Variants in CSMD1 observed in about 807,000 individuals in gnomAD.
CSMD1 encodes the protein CUB and Sushi multiple domains 1, also known as CUB and sushi domain-containing protein 1.
Under a neutral mutation model 417.5 loss-of-function variants are expected in CSMD1, and 213 were observed. The observed-to-expected ratio is 0.51, with a 90% confidence interval of 0.46 to 0.57. The LOEUF (loss-of-function observed/expected upper bound fraction) is 0.57. Ranked by LOEUF, CSMD1 falls within the 20% of genes least tolerant of loss-of-function variation. CSMD1 has a pLI of 0.00. For missense variants in CSMD1, 6,923 were observed against 4,529.7 expected, an observed-to-expected ratio of 1.53 and a Z score of -15.17; for synonymous variants, 2,862 against 1,736.8, an observed-to-expected ratio of 1.65 and a Z score of -16.11.
chr8:3,679,633 G>A (rs187001664), intron 7 of CSMD1, among the ~76,000 whole-genome samples: 237 of 152,226 alleles, frequency 1.6e-3, no homozygotes, highest in Non-Finnish European at 2.9e-3. Flanking sequence ...CAACAAGACA[G>A]CAAGTTAACA....
At chr8:4,678,188 A>T (rs1274707710) in intron 1 of CSMD1, among the ~76,000 whole-genome samples, 1 of 152,092 alleles carries the variant, frequency 6.6e-6, no homozygotes, top group Non-Finnish European at 1.5e-5. Flanking sequence ...AGGCGTGTAG[A>T]TCACATGAGG....
chr8:4,070,168 A>G (rs572117075), intron 3 of CSMD1, among the ~76,000 whole-genome samples: 5 of 152,088 alleles, frequency 3.3e-5, no homozygotes, highest in Admixed American at 1.3e-4. Flanking sequence ...AAAGAATGCA[A>G]TTTTAGAGGT....
intron 3 of CSMD1, among the ~76,000 whole-genome samples, chr8:4,051,879 T>TTC (rs1563058796): frequency 2.4e-3 from 149 of 61,940 alleles, no homozygotes; most frequent in African/African-American, 6.2e-3. Flanking sequence ...CTTCCTCCTT[T>TTC]CTTCCTTCCT....
At chr8:4,979,533 C>G (rs546009688) in intron 1 of CSMD1, among the ~76,000 whole-genome samples, 136 of 151,224 alleles carry the variant, frequency 9.0e-4, no homozygotes, top group African/African-American at 3.1e-3. Context: ...CACTGTCTAC[C>G]TAAAGAAGGA....
chr8:4,794,141 A>G (rs1316725487), intron 1 of CSMD1, among the ~76,000 whole-genome samples: 1 of 152,192 alleles, frequency 6.6e-6, no homozygotes, highest in Non-Finnish European at 1.5e-5. Flanking sequence ...TTATTCTCTA[A>G]TAGACAGTCA....
intron 23 of CSMD1, among the ~76,000 whole-genome samples, chr8:3,335,819 A>G (rs1807223329): frequency 6.6e-6 from 1 of 152,148 alleles, no homozygotes; most frequent in Non-Finnish European, 1.5e-5. Flanking sequence ...GTGCTTTACT[A>G]TTATTTGCAT....
At chr8:4,071,633 A>C (rs937809639) in intron 3 of CSMD1, among the ~76,000 whole-genome samples, 1 of 152,148 alleles carries the variant, frequency 6.6e-6, no homozygotes, top group South Asian at 2.1e-4. Flanking sequence ...TCTTTATTTT[A>C]AACTAGCTGA....
intron 42 of CSMD1, among the ~76,000 whole-genome samples, chr8:3,117,665 CA>C (rs1375027818): frequency 1.3e-5 from 2 of 152,124 alleles, no homozygotes; most frequent in Non-Finnish European, 2.9e-5. Flanking sequence ...TCAAAGTCAT[CA>C]TAAAAATGAG....
chr8:4,114,768 A>G (rs1349928770), intron 3 of CSMD1, among the ~76,000 whole-genome samples: 1 of 152,220 alleles, frequency 6.6e-6, no homozygotes, highest in African/African-American at 2.4e-5. Context: ...AGAATATAAT[A>G]AGACTTCAGC....
At chr8:3,338,854 CTT>C (rs1261454844) in intron 23 of CSMD1, among the ~76,000 whole-genome samples, 1 of 145,610 alleles carries the variant, frequency 6.9e-6, no homozygotes, top group African/African-American at 2.5e-5. Flanking sequence ...TTTTAATTAA[CTT>C]TAAGTTTTAG....
At chr8:4,133,875 A>C (rs1803260170) in intron 3 of CSMD1, among the ~76,000 whole-genome samples, 1 of 152,318 alleles carries the variant, frequency 6.6e-6, no homozygotes, top group African/African-American at 2.4e-5. Context: ...AAAGACAGGA[A>C]ATTTTTTATA....
intron 5 of CSMD1, among the ~76,000 whole-genome samples, chr8:3,767,685 T>C (rs955579189): frequency 6.6e-5 from 10 of 152,162 alleles, no homozygotes; most frequent in African/African-American, 2.2e-4. Flanking sequence ...TACCTATATA[T>C]TATGTATATT....
At chr8:3,856,535 A>G (rs538621428) in intron 5 of CSMD1, among the ~76,000 whole-genome samples, 2 of 152,322 alleles carry the variant, frequency 1.3e-5, no homozygotes, top group East Asian at 3.9e-4. Flanking sequence ...TAATAAATGC[A>G]ACGACTGTCC....
At chr8:4,796,451 T>A (rs1585113500) in intron 1 of CSMD1, among the ~76,000 whole-genome samples, 2 of 151,886 alleles carry the variant, frequency 1.3e-5, no homozygotes, top group South Asian at 4.2e-4. Flanking sequence ...CCCTTTGTAA[T>A]GTATGTAAAT....
In CSMD1 at chr8:4,980,508, C is replaced by T. The variant is rs184258751; in HGVS notation, c.85+13824G>A. Among the ~76,000 whole-genome samples the T allele has an allele frequency of 1.2e-4, 19 of 152,280 alleles. 1 individual carries two copies. Among genetic ancestry groups the T allele is most frequent in the Admixed American group, 1.2e-3 (19 of 15,290 alleles). ...AACACTGTAAAATGAAAGGAGAATT[C>T]CTTAGACTGAGCTCTGCCTTTTGGG... On this transcript the variant is annotated intron_variant, in intron 1 of 69. Coordinates refer to ENST00000635120, the MANE Select transcript of CSMD1 (RefSeq NM_033225.6).
At chr8:3,294,210 G>A (rs540408755) in intron 25 of CSMD1, among the ~76,000 whole-genome samples, 47 of 146,602 alleles carry the variant, frequency 3.2e-4, no homozygotes, top group African/African-American at 1.0e-3. Context: ...GTACCAGGCC[G>A]TGTGAGGTGT....
chr8:3,065,101 A>G (rs1404302555), intron 49 of CSMD1, among the ~76,000 whole-genome samples: 2 of 152,228 alleles, frequency 1.3e-5, no homozygotes, highest in South Asian at 2.1e-4. Context: ...TCACAGGCAC[A>G]TCTAAAGAAG....
rs976427916 is a variant in CSMD1 at position 4,731,788 on chromosome 8, T to C, written c.86-94230A>G. On this transcript the variant is annotated intron_variant, in intron 1 of 69. Transcript: ENST00000635120. Reference sequence around the variant, plus strand: ...TGATGCTGGCTTCTACCACCTACTCTATTTATTTAGGGTTGGGCGAACAAC... The same window carrying C: ...TGATGCTGGCTTCTACCACCTACTCCATTTATTTAGGGTTGGGCGAACAAC... Among the ~76,000 whole-genome samples the C allele has an allele frequency of 5.3e-5, 8 of 152,292 alleles. No individual in the cohort carries two copies. In the South Asian group the frequency reaches 8.3e-4, roughly 16 times the overall value.
chr8:4,486,158 CATACATATATATATATACATACATATAT>C (rs1801379936), intron 2 of CSMD1, among the ~76,000 whole-genome samples: 1 of 17,884 alleles, frequency 5.6e-5, no homozygotes, highest in East Asian at 2.8e-3. Context: ...TATATATATA[CATACATATATATATATACATACATATAT>C]ATATATATAT....
Sources: allele counts gnomAD v4.1 joint callset (sites outside exome capture counted in the v4.1 genomes callset), GRCh38; gene constraint gnomAD v4.1.1; transcripts MANE v1.5; gene names NCBI Gene and HGNC (gene_info 2026-07-23, HGNC 2026-07-21).